ARHGEF3: variants seen among roughly 807,000 people sequenced by gnomAD.
ARHGEF3 encodes 59.8 kDA protein.
ARHGEF3 carries 28 observed loss-of-function variants against 63.2 expected under a neutral mutation model. That is an observed-to-expected ratio of 0.44 (90% CI 0.33 to 0.61). The LOEUF (loss-of-function observed/expected upper bound fraction) is 0.61, where lower values mean the gene tolerates loss of function less well. ARHGEF3 is among the 20% of genes least tolerant of loss of function. ARHGEF3 has a pLI of 0.03. For missense variants in ARHGEF3, 533 were observed against 659.3 expected, an observed-to-expected ratio of 0.81 and a Z score of 2.10; for synonymous variants, 266 against 254.2, an observed-to-expected ratio of 1.05 and a Z score of -0.44.
At chr3:56,871,381 G>A (rs1247885350) in intron 4 of ARHGEF3, among the ~76,000 whole-genome samples, 1 of 151,906 alleles carries the variant, frequency 6.6e-6, no homozygotes, top group African/African-American at 2.4e-5. Flanking sequence ...AAAATACTGA[G>A]GTGGCTCAAG....
chr3:56,850,830 GCTAA>G (rs2039652723), intron 4 of ARHGEF3, among the ~76,000 whole-genome samples: 1 of 152,108 alleles, frequency 6.6e-6, no homozygotes, highest in Non-Finnish European at 1.5e-5. Flanking sequence ...CAGGAGCCAT[GCTAA>G]ATACTTTAAA....
chr3:56,901,175 A>C (rs1426228793), intron 3 of ARHGEF3, among the ~76,000 whole-genome samples: 2 of 152,198 alleles, frequency 1.3e-5, no homozygotes, highest in Non-Finnish European at 2.9e-5. Context: ...TCCAGCATAG[A>C]CCAGTGCATG....
intron 1 of ARHGEF3, among the ~76,000 whole-genome samples, chr3:56,774,115 A>G (rs1003981892): frequency 2.6e-5 from 4 of 152,270 alleles, no homozygotes; most frequent in Admixed American, 6.5e-5. Flanking sequence ...AGAAGCTTCC[A>G]CTTAGTAGAA....
At chr3:56,830,924 A>G (rs1400191952) in intron 4 of ARHGEF3, among the ~76,000 whole-genome samples, 1 of 151,860 alleles carries the variant, frequency 6.6e-6, no homozygotes. Context: ...TTCTGATCTC[A>G]TCTCCCCTGC....
intron 1 of ARHGEF3, chr3:57,073,876 C>T (rs1276408034): frequency 1.2e-6 from 2 of 1,614,194 alleles, no homozygotes; most frequent in Non-Finnish European, 1.7e-6. Context: ...GGTGTCCTGC[C>T]AGGAGCAGCC....
intron 1 of ARHGEF3, among the ~76,000 whole-genome samples, chr3:57,042,666 A>T (rs1168072302): frequency 3.3e-4 from 2 of 6,002 alleles, no homozygotes; most frequent in East Asian, 0.011. Flanking sequence ...ATATATATAT[A>T]TATATATATA....
chr3:56,908,132 G>A (rs2041753269), intron 3 of ARHGEF3, among the ~76,000 whole-genome samples: 1 of 152,198 alleles, frequency 6.6e-6, no homozygotes, highest in South Asian at 2.1e-4. Flanking sequence ...TGATCCTGAT[G>A]ACAAAGGATC....
chr3:56,981,729 G>C (rs939658606), intron 2 of ARHGEF3, among the ~76,000 whole-genome samples: 1 of 152,194 alleles, frequency 6.6e-6, no homozygotes, highest in Non-Finnish European at 1.5e-5. Flanking sequence ...AGCTCACATG[G>C]TCTGTTGGTC....
Position 56,968,287 on chromosome 3 carries a change from AAT to A in ARHGEF3, c.63-9400_63-9399del, listed in dbSNP as rs1491145808. Among the ~76,000 whole-genome samples, 10 of 35,498 alleles carry A rather than the reference AAT, an allele frequency of 2.8e-4. 1 individual carries two copies. The highest frequency in any genetic ancestry group is 2.2e-3 in the South Asian group (3 of 1,372). The allele number at this position is 35,498 out of a possible 152,430, so 23.3% of individuals were successfully genotyped here. On this transcript the variant is annotated intron_variant, in intron 2 of 12. Coordinates refer to the ARHGEF3 transcript ENST00000338458. ...AATATATAATATATAAAATATATAT[AAT>A]ATATATAATATATAATATATATAAA...
intron 2 of ARHGEF3, among the ~76,000 whole-genome samples, chr3:57,001,869 T>G (rs1466593565): frequency 2.6e-5 from 4 of 151,862 alleles, no homozygotes; most frequent in African/African-American, 9.7e-5. Context: ...AAAAGATGAG[T>G]CAGTTTTGTA....
intron 1 of ARHGEF3, among the ~76,000 whole-genome samples, chr3:57,056,934 T>TAC (rs140034372): frequency 1.1e-3 from 174 of 151,340 alleles, no homozygotes; most frequent in African/African-American, 3.8e-3. Flanking sequence ...TGCAGGTCTA[T>TAC]ACACACACAC....
intron 1 of ARHGEF3, among the ~76,000 whole-genome samples, chr3:57,063,608 CT>C (rs756201694): frequency 6.6e-6 from 1 of 152,054 alleles, no homozygotes; most frequent in Non-Finnish European, 1.5e-5. Context: ...TGGGGTGCTC[CT>C]TAACAGAGAT....
chr3:56,973,840 G>C (rs941186440), intron 2 of ARHGEF3, among the ~76,000 whole-genome samples: 3 of 152,146 alleles, frequency 2.0e-5, no homozygotes, highest in Non-Finnish European at 2.9e-5. Context: ...TTGACAGAGA[G>C]CTTAGGTATT....
At chr3:56,883,302 CTT>C (rs112313795) in intron 3 of ARHGEF3, among the ~76,000 whole-genome samples, 64 of 140,830 alleles carry the variant, frequency 4.5e-4, no homozygotes, top group Admixed American at 7.8e-4. Context: ...GTATGTTTTT[CTT>C]TTTTTTTTTT....
At chr3:57,054,896 AC>A (rs1331036657) in intron 1 of ARHGEF3, among the ~76,000 whole-genome samples, 1 of 151,482 alleles carries the variant, frequency 6.6e-6, no homozygotes, top group Non-Finnish European at 1.5e-5. Context: ...TGATCTGCCC[AC>A]CCTGGCCTCC....
chr3:56,736,453 T>TA (rs2033632263), intron 8 of ARHGEF3, among the ~76,000 whole-genome samples: 1 of 152,230 alleles, frequency 6.6e-6, no homozygotes. Context: ...TTGTTATTTT[T>TA]AAAAAATTGG....
intron 4 of ARHGEF3, among the ~76,000 whole-genome samples, chr3:56,820,499 C>A (rs2038444072): frequency 6.6e-6 from 1 of 152,050 alleles, no homozygotes; most frequent in African/African-American, 2.4e-5. Context: ...TTCACAATAA[C>A]AATGATAAGA....
intron 4 of ARHGEF3, among the ~76,000 whole-genome samples, chr3:56,849,598 G>T (rs2039603391): frequency 6.6e-6 from 1 of 151,942 alleles, no homozygotes; most frequent in Non-Finnish European, 1.5e-5. Context: ...CCTGTGTCCT[G>T]TTGCCTTAAA....
chr3:57,014,208 C>G (rs775721507), intron 2 of ARHGEF3, among the ~76,000 whole-genome samples: 16 of 152,122 alleles, frequency 1.1e-4, no homozygotes, highest in Non-Finnish European at 1.8e-4. Context: ...GAAAAAACTC[C>G]AAACACGTCT....
Sources: gnomAD v4.1 joint callset for allele counts (sites outside exome capture counted in the v4.1 genomes callset) on GRCh38, gnomAD v4.1.1 for gene constraint, MANE v1.5 for transcripts, NCBI Gene and HGNC (gene_info 2026-07-23, HGNC 2026-07-21) for gene names.